The following MAPKBP1 variants were observed in gnomAD, a reference collection of about 807,000 sequenced individuals.
The protein encoded by MAPKBP1 is mitogen-activated protein kinase binding protein 1.
MAPKBP1 carries 71 observed loss-of-function variants against 170.5 expected under a neutral mutation model. The ratio of observed to expected loss-of-function variants is 0.42; its 90% CI spans 0.34 to 0.51. The LOEUF is 0.51. Ranked by LOEUF, MAPKBP1 falls within the 20% of genes least tolerant of loss-of-function variation. The pLI is 0.06. For synonymous variants in MAPKBP1, 719 were observed against 757.9 expected (o/e 0.95, Z 0.84); for missense variants, 1,598 against 1,933.0 (o/e 0.83, Z 3.25).
intron 4 of MAPKBP1, 24 bp downstream of exon 4, chr15:41,810,969 A>C: frequency 6.2e-7 from 1 of 1,613,804 alleles, no homozygotes; most frequent in Admixed American, 1.7e-5. Flanking sequence ...GGTCCTCAGG[A>C]TACCTCTTCC....
At position 41,813,781 on chromosome 15, in the gene MAPKBP1, G is replaced by C; in HGVS notation, c.980G>C (p.Ser327Thr). 1.3e-6 allele frequency: 2 copies of C among 1,587,716 alleles called. No homozygotes were observed. Among genetic ancestry groups the C allele is most frequent in the Non-Finnish European group, 1.7e-6 (2 of 1,167,062 alleles). ...GTDIASVTEA[S>T]RLFSGVANAR... ...GACATTGCTAGCGTCACCGAGGCCA[G>C]GTGAGCTATGTGGGCCCCCCTTCCT... Residue 327 changes from serine (S) to threonine (T), a missense_variant and splice_region_variant, in exon 9 of 31, where the codon AGT becomes ACT. Physicochemically the swap from Ser to Thr is moderately conservative, Grantham distance 58. Transcript: ENST00000457542.
rs142952256 is a variant in MAPKBP1 at position 41,794,096 on chromosome 15, A to G, written c.115-5727A>G. Reference sequence around the variant, plus strand: ...AAAATACAAAAATTAGCCAGACACGATGGTGGGTGCCTGTAATCCTAGCTA... The same window carrying G: ...AAAATACAAAAATTAGCCAGACACGGTGGTGGGTGCCTGTAATCCTAGCTA... On this transcript the variant is annotated intron_variant, in intron 2 of 30. Transcript: ENST00000457542. Among the ~76,000 whole-genome samples, 3 of 152,142 alleles carry G rather than the reference A, an allele frequency of 2.0e-5. No individual in the cohort carries two copies. The East Asian group carries it at 5.8e-4, about 29-fold the overall frequency.
chr15:41,786,167 C>CAT (rs1040956094), intron 2 of MAPKBP1, among the ~76,000 whole-genome samples: 6 of 152,068 alleles, frequency 3.9e-5, no homozygotes, highest in Admixed American at 6.5e-5. Flanking sequence ...TTTGTTAAAA[C>CAT]ATATATATAT....
Position 41,817,844 on chromosome 15 carries a change from C to G in MAPKBP1, c.1904+109C>G. 3 of 1,568,472 alleles carry G rather than the reference C, an allele frequency of 1.9e-6. No individual in the cohort carries two copies. The highest frequency in any genetic ancestry group is 1.2e-5 in the South Asian group (1 of 86,080). On this transcript the variant is annotated intron_variant, in intron 16 of 30. Coordinates refer to ENST00000457542, the MANE Select transcript of MAPKBP1 (RefSeq NM_014994.3). This position sits in a 1 kb window ranked among gnomAD's most constrained non-coding sequence, Gnocchi z 4.2. Reference sequence around the variant, plus strand: ...TCGTTCTGTACAGGACTTTGTACCCCCTTGAGCCTACAGTACTTTGCTTCA... The same window carrying G: ...TCGTTCTGTACAGGACTTTGTACCCGCTTGAGCCTACAGTACTTTGCTTCA...
chr15:41,819,556 G>GGA lies in MAPKBP1; in HGVS notation c.2426-38_2426-37insAG, dbSNP rs151281998. On this transcript the variant is annotated intron_variant, in intron 21 of 30. Coordinates refer to ENST00000457542, the MANE Select transcript of MAPKBP1 (RefSeq NM_014994.3). ...CTCCAGGGTTGGGTGGCGGGGGGGG[G>GGA]GCAGGAGACACTTCCTCTGACTGCC... The GGA allele has an allele frequency of 3.7e-6, 5 of 1,347,684 alleles. No homozygotes were observed. In the African/African-American group the frequency reaches 8.1e-5, roughly 22 times the overall value. The allele number at this position is 1,347,684 out of a possible 1,614,324, so 83.5% of individuals were successfully genotyped here. A position where few individuals can be genotyped will look rare whatever the true frequency, so the allele number is the denominator to read the frequency against.
chr15:41,803,434 A>AAAAAAAG (rs58804270), intron 3 of MAPKBP1, among the ~76,000 whole-genome samples: 1,491 of 90,590 alleles, frequency 0.016, 362 homozygotes, highest in African/African-American at 0.054. Flanking sequence ...AAAAAAAAAA[A>AAAAAAAG]AGGTTAAGCA....
intron 5 of MAPKBP1, chr15:41,811,627 C>T (rs148593209): frequency 2.2e-4 from 138 of 613,948 alleles, no homozygotes; most frequent in African/African-American, 1.7e-3. Flanking sequence ...GTCCTGGCGG[C>T]GTAGTCTTAC....
At position 41,823,932 on chromosome 15, in the gene MAPKBP1, C is replaced by T. The variant is rs767592033; in HGVS notation, c.4084C>T (p.Pro1362Ser). 1.4e-5 allele frequency: 23 copies of T among 1,614,142 alleles called. No homozygotes were observed. In the South Asian group the frequency reaches 2.5e-4, roughly 18 times the overall value. ...ECQAHPGPSS[P>S]CAQQLPVSSL... ...CCAGGCTCATCCTGGGCCCAGCAGC[C>T]CCTGTGCCCAGCAACTGCCAGTCAG... Residue 1362 changes from proline to serine, a missense_variant, in exon 29 of 31, where the codon CCC becomes TCC. Pro to Ser is a moderately conservative substitution (Grantham distance 74). This residue lies in a region of MAPKBP1 where 942 missense variants were observed against 953.2 expected (regional missense o/e 0.99). Transcript: ENST00000457542.
intron 3 of MAPKBP1, chr15:41,810,596 G>T: frequency 2.6e-6 from 1 of 383,738 alleles, no homozygotes; most frequent in Non-Finnish European, 4.6e-6. Context: ...GCACATGCCT[G>T]TGGTTCCAGC....
chr15:41,799,915 G>GCT lies in MAPKBP1; in HGVS notation c.206+1_206+2insCT. ...CAGGTTTAGTTGCTTACCCAGCAGG[G>GCT]TAAGTAAGCGCCTTGGAAGAGATCT... On this transcript the variant is annotated splice_donor_variant, in intron 3 of 30. Coordinates refer to ENST00000457542, the MANE Select transcript of MAPKBP1 (RefSeq NM_014994.3). LOFTEE classifies it high-confidence loss of function. 6.2e-7 allele frequency: 1 copy of GCT among 1,613,986 alleles called. No individual in the cohort carries two copies.
intron 3 of MAPKBP1, among the ~76,000 whole-genome samples, chr15:41,806,801 A>C (rs921047435): frequency 9.2e-5 from 14 of 152,128 alleles, no homozygotes; most frequent in Non-Finnish European, 5.9e-5. Context: ...AGATTGATAC[A>C]AACTGTGCCC....
At chr15:41,774,674 A>G (rs1196005812) in intron 1 of MAPKBP1, 64 bp downstream of exon 1, 3 of 398,574 alleles carry the variant, frequency 7.5e-6, no homozygotes, top group East Asian at 7.1e-5. Context: ...GGTGAAAGAT[A>G]AAGGTCCAGA....
Position 41,815,425 on chromosome 15 carries a change from G to A in MAPKBP1, c.1317+20G>A. The A allele has an allele frequency of 6.2e-7, 1 of 1,612,736 alleles. No homozygotes were observed. The highest frequency in any genetic ancestry group is 8.5e-7 in the Non-Finnish European group (1 of 1,179,080). On this transcript the variant is annotated intron_variant, in intron 11 of 30. Coordinates refer to ENST00000457542, the MANE Select transcript of MAPKBP1 (RefSeq NM_014994.3). The stretch of plus-strand genomic sequence containing the variant: ...AGCAGTGTGAGCCCTGAGGCTGTGG[G>A]GCCCCGCTTCACCCTCAGTGCCCCC...
chr15:41,824,585 C>T lies in MAPKBP1; in HGVS notation c.4299+16C>T, dbSNP rs527945871. The T allele has an allele frequency of 1.9e-5, 30 of 1,580,078 alleles. No homozygotes were observed. The highest frequency in any genetic ancestry group is 2.3e-5 in the Non-Finnish European group (27 of 1,165,754). ...CTACCACTCGGTGGGTGTTAGGTGC[C>T]CCCCGGCAGGAAGGCGGGCACGTCA... On this transcript the variant is annotated intron_variant, in intron 30 of 30. Coordinates refer to ENST00000457542, the MANE Select transcript of MAPKBP1 (RefSeq NM_014994.3).
At chr15:41,784,035 C>T (rs970879894) in intron 2 of MAPKBP1, among the ~76,000 whole-genome samples, 1 of 152,078 alleles carries the variant, frequency 6.6e-6, no homozygotes, top group African/African-American at 2.4e-5. Flanking sequence ...GATTCTTGCA[C>T]CTCTACGCTA....
chr15:41,786,777 A>AAAAAATATAAATATATATAT, intron 2 of MAPKBP1, among the ~76,000 whole-genome samples: 1 of 32,470 alleles, frequency 3.1e-5, no homozygotes, highest in Non-Finnish European at 5.6e-5. Context: ...AAAAAAAAAA[A>AAAAAATATAAATATATATAT]ATATATATAT....
intron 2 of MAPKBP1, among the ~76,000 whole-genome samples, chr15:41,776,031 T>G (rs1002372267): frequency 1.3e-5 from 2 of 152,370 alleles, no homozygotes; most frequent in Admixed American, 1.3e-4. Context: ...CCCACTCAGC[T>G]GCAGATGATC....
In MAPKBP1 at chr15:41,819,602, C is replaced by T. The variant is rs1044357939; in HGVS notation, c.2433C>T (p.Val811=). ...AKSTKKALAS[V]PSPALPRSLS... ...CTGCCTGTTTCTGTCTAGCCTCGGT[C>T]CCCAGCCCAGCTTTGCCCCGAAGCC... Residue 811 remains valine (V), a synonymous_variant, in exon 22 of 31, where the codon GTC becomes GTT. Transcript: ENST00000457542. 1 of 1,612,172 alleles carries T rather than the reference C, an allele frequency of 6.2e-7. No homozygotes were observed. Among genetic ancestry groups the T allele is most frequent in the African/African-American group, 1.3e-5 (1 of 74,594 alleles).
rs2064898181 is a variant in MAPKBP1 at position 41,816,709 on chromosome 15, T to G, written c.1585+59T>G. On this transcript the variant is annotated intron_variant, in intron 13 of 30. Transcript: ENST00000457542. ...TCCAGTCCTGCCGGTGCCACTTATA[T>G]CTGTCCCGGCTCTTGGACGTGGGGT... The G allele has an allele frequency of 2.0e-6, 3 of 1,531,272 alleles. No individual in the cohort carries two copies. In the South Asian group the frequency reaches 3.4e-5, roughly 17 times the overall value. The allele number at this position is 1,531,272 out of a possible 1,614,324, so 94.9% of individuals were successfully genotyped here. A position where few individuals can be genotyped will look rare whatever the true frequency, so the allele number is the denominator to read the frequency against.
Sources: gnomAD v4.1 joint callset for allele counts (sites outside exome capture counted in the v4.1 genomes callset) on GRCh38, gnomAD v4.1.1 for gene constraint, gnomAD v4.1.1 regional missense constraint, Gnocchi (gnomAD v3.1) non-coding constraint, MANE v1.5 for transcripts, NCBI Gene and HGNC (gene_info 2026-07-23, HGNC 2026-07-21) for gene names.